The following SKIL variants were observed in gnomAD, a reference collection of about 807,000 sequenced individuals.
SKIL encodes ski-like protein.
Under a neutral mutation model 69.6 loss-of-function variants are expected in SKIL, and 20 were observed. That is an observed-to-expected ratio of 0.29 (90% confidence interval 0.20 to 0.42). SKIL has a LOEUF of 0.42. Ranked by LOEUF, SKIL falls within the 10% of genes least tolerant of loss-of-function variation. The pLI is 1.00. For missense variants in SKIL, 745 were observed against 783.1 expected (o/e 0.95, Z 0.58); for synonymous variants, 310 against 279.9 (o/e 1.11, Z -1.08).
At chr3:170,379,627 CTCT>C (rs1737223246) in intron 2 of SKIL, among the ~76,000 whole-genome samples, 1 of 151,878 alleles carries the variant, frequency 6.6e-6, no homozygotes, top group African/African-American at 2.4e-5. Flanking sequence ...TTCTTTTTTT[CTCT>C]TCAATTTCTT....
chr3:170,360,795 C>G lies in SKIL; in HGVS notation c.464C>G (p.Ser155Cys). The change falls in exon 2 of 7, where the codon TCT (serine) becomes TGT (cysteine). Residue 155 changes from serine to cysteine, a missense_variant. By Grantham distance (112) the Ser-to-Cys change is moderately radical. Transcript: ENST00000259119. ...ACTGTGTTGGAAGGGGAATCTATTT[C>G]TTGTTTTCAAGTTGGAGGAGAAAAG... ...TQTVLEGESI[S>C]CFQVGGEKRL... 3 of 1,614,188 alleles carry G rather than the reference C, an allele frequency of 1.9e-6. No homozygotes were observed. The highest frequency in any genetic ancestry group is 2.5e-6 in the Non-Finnish European group (3 of 1,180,024).
At chr3:170,384,477 T>C in intron 3 of SKIL, 56 bp from the exon 4 acceptor site, 1 of 799,434 alleles carries the variant, frequency 1.3e-6, no homozygotes, top group Admixed American at 2.6e-5. Context: ...CATATTTGAT[T>C]TTTACTTAAT....
At chr3:170,391,316 A>T in intron 6 of SKIL, 56 bp downstream of exon 6, 4 of 1,021,882 alleles carry the variant, frequency 3.9e-6, no homozygotes, top group Non-Finnish European at 4.3e-6. Context: ...GGAAACTGTT[A>T]CTTCTCTCTT....
At chr3:170,364,890 T>C (rs913471442) in intron 2 of SKIL, among the ~76,000 whole-genome samples, 1 of 152,234 alleles carries the variant, frequency 6.6e-6, no homozygotes, top group Admixed American at 6.5e-5. Context: ...TGAGTTTCTT[T>C]CTGATCTTTT....
chr3:170,359,461 C>G (rs951130879), intron 1 of SKIL, among the ~76,000 whole-genome samples: 1 of 151,944 alleles, frequency 6.6e-6, no homozygotes, highest in Non-Finnish European at 1.5e-5. Flanking sequence ...AGCCGGGTGT[C>G]GTGGCTTGTG....
rs1215660391 is a variant in SKIL at position 170,384,518 on chromosome 3, T to G, written c.1197-15T>G. 1 of 1,265,948 alleles carries G rather than the reference T, an allele frequency of 7.9e-7. No homozygotes were observed. Among genetic ancestry groups the G allele is most frequent in the South Asian group, 1.3e-5 (1 of 78,120 alleles). The allele number at this position is 1,265,948 out of a possible 1,614,324, so 78.4% of individuals were successfully genotyped here. On this transcript the variant is annotated splice_polypyrimidine_tract_variant and intron_variant, in intron 3 of 6. Coordinates refer to ENST00000259119, the MANE Select transcript of SKIL (RefSeq NM_005414.5). ...TATGTAATATATGTCTTGTTTTGCT[T>G]TTACTTGTTTTCAGCTACTACTTAT...
At chr3:170,377,538 A>G (rs145450063) in intron 2 of SKIL, among the ~76,000 whole-genome samples, 119 of 139,424 alleles carry the variant, frequency 8.5e-4, no homozygotes, top group African/African-American at 3.2e-3. Context: ...ATTGCTCAAT[A>G]ATTCTTTTTT....
chr3:170,382,739 G>T (rs890969091), intron 3 of SKIL, among the ~76,000 whole-genome samples: 1 of 117,350 alleles, frequency 8.5e-6, no homozygotes, highest in Non-Finnish European at 1.7e-5. Context: ...TTTTTTTTGA[G>T]ATGGAGTCTC....
chr3:170,382,751 C>G (rs1737424286), intron 3 of SKIL, among the ~76,000 whole-genome samples: 1 of 145,410 alleles, frequency 6.9e-6, no homozygotes, highest in East Asian at 2.0e-4. Context: ...TGGAGTCTCG[C>G]TCTGTTGCCC....
intron 4 of SKIL, among the ~76,000 whole-genome samples, chr3:170,386,871 AAATT>A (rs1285246812): frequency 8.5e-5 from 13 of 152,212 alleles, no homozygotes; most frequent in South Asian, 8.3e-4. Flanking sequence ...TTTATTTCTT[AAATT>A]AATTCTAATG....
chr3:170,361,370 A>C lies in SKIL; in HGVS notation c.1039A>C (p.Ile347Leu). The change falls in exon 2 of 7, where the codon ATT becomes CTT. Residue 347 changes from isoleucine (I) to leucine (L), a missense_variant. Coordinates refer to ENST00000259119, the MANE Select transcript of SKIL (RefSeq NM_005414.5). ...ACCTGAAGAAAAGAAACTGAAGATA[A>C]TTTTAGAAGAAATGAAGGAGAAGTT... is the stretch of plus-strand genomic sequence containing the variant. ...GTPEEKKLKI[I>L]LEEMKEKFSM... The C allele has an allele frequency of 6.2e-7, 1 of 1,604,984 alleles. No individual in the cohort carries two copies. Among genetic ancestry groups the C allele is most frequent in the Non-Finnish European group, 8.5e-7 (1 of 1,177,622 alleles).
intron 4 of SKIL, among the ~76,000 whole-genome samples, chr3:170,388,470 T>C (rs1364673696): frequency 1.3e-5 from 2 of 152,132 alleles, no homozygotes; most frequent in Non-Finnish European, 2.9e-5. Context: ...TTTTTTTTCC[T>C]GAGACAAAGT....
rs909816855 is a variant in SKIL at position 170,358,991 on chromosome 3, A to T, written c.-633-708A>T. Among the ~76,000 whole-genome samples the T allele has an allele frequency of 2.6e-5, 4 of 152,306 alleles. No individual in the cohort carries two copies. The East Asian group carries it at 7.7e-4, about 29-fold the overall frequency. On this transcript the variant is annotated intron_variant, in intron 1 of 6. Coordinates refer to ENST00000259119, the MANE Select transcript of SKIL (RefSeq NM_005414.5). ...TGTAACTTAGTTACATATGGTAGAT[A>T]TGTTAACTCCTATCTGATTTTTTTG... is the stretch of plus-strand genomic sequence containing the variant.
intron 2 of SKIL, among the ~76,000 whole-genome samples, chr3:170,378,722 T>G (rs1737169781): frequency 6.6e-6 from 1 of 151,876 alleles, no homozygotes; most frequent in Non-Finnish European, 1.5e-5. Flanking sequence ...CAGCTAATTT[T>G]TGTAGAAACG....
intron 2 of SKIL, among the ~76,000 whole-genome samples, chr3:170,377,781 C>G (rs1737107422): frequency 6.6e-6 from 1 of 150,806 alleles, no homozygotes; most frequent in Non-Finnish European, 1.5e-5. Context: ...GTCTTGAACT[C>G]CTGATCTCGT....
chr3:170,360,827 T>C lies in SKIL; in HGVS notation c.496T>C (p.Cys166Arg), dbSNP rs753042738. 1 of 1,614,238 alleles carries C rather than the reference T, an allele frequency of 6.2e-7. No individual in the cohort carries two copies. The highest frequency in any genetic ancestry group is 2.2e-5 in the East Asian group (1 of 44,890). ...TCAAGTTGGAGGAGAAAAGAGACTC[T>C]GTTTGCCCCAAGTCTTAAATTCTGT... ...CFQVGGEKRL[C>R]LPQVLNSVLR... is the part of the protein sequence containing the mutation. The change falls in exon 2 of 7, where the codon TGT (cysteine) becomes CGT (arginine). Residue 166 changes from cysteine (C) to arginine (R), a missense_variant. Cys to Arg is a radical substitution (Grantham distance 180, BLOSUM62 -3). Transcript: ENST00000259119.
Position 170,360,244 on chromosome 3 carries a change from G to C in SKIL, c.-88G>C, listed in dbSNP as rs1315665603. The C allele has an allele frequency of 3.2e-6, 4 of 1,253,030 alleles. No individual in the cohort carries two copies. In the African/African-American group the frequency reaches 6.0e-5, roughly 19 times the overall value. 77.6% of individuals were successfully genotyped at this position (1,253,030 alleles called of 1,614,324 possible). A position where few individuals can be genotyped will look rare whatever the true frequency, so the allele number is the denominator to read the frequency against. ...TGAGAGTAAGTTACGATAGGCATTT[G>C]TATCCATTCATTACTTTCCTCTTTT... On this transcript the variant is annotated 5_prime_UTR_variant, in exon 2 of 7. Coordinates refer to ENST00000259119, the MANE Select transcript of SKIL (RefSeq NM_005414.5).
intron 2 of SKIL, among the ~76,000 whole-genome samples, chr3:170,362,272 G>A (rs1736281449): frequency 6.6e-6 from 1 of 152,214 alleles, no homozygotes; most frequent in African/African-American, 2.4e-5. Flanking sequence ...GGGGGCTGAA[G>A]TAGGTGGATC....
chr3:170,376,255 C>T (rs1737027543), intron 2 of SKIL, among the ~76,000 whole-genome samples: 1 of 151,786 alleles, frequency 6.6e-6, no homozygotes, highest in Non-Finnish European at 1.5e-5. Context: ...ACCATTTGGT[C>T]AGGCTGGTTT....
Sources: allele counts gnomAD v4.1 joint callset (sites outside exome capture counted in the v4.1 genomes callset), GRCh38; gene constraint gnomAD v4.1.1; transcripts MANE v1.5; gene names NCBI Gene and HGNC (gene_info 2026-07-23, HGNC 2026-07-21).